CNTNAP2: variants seen among roughly 807,000 people sequenced by gnomAD.
CNTNAP2 encodes the protein contactin-associated protein-like 2.
CNTNAP2 carries 98 observed loss-of-function variants against 155.2 expected under a neutral mutation model. The observed-to-expected ratio is 0.63, with a 90% CI of 0.54 to 0.75. The LOEUF is 0.75. Among genes scored for constraint, CNTNAP2 ranks in the 30% least tolerant of loss-of-function variants. The probability of loss-of-function intolerance (pLI) is 0.00; values close to 1 mark genes in which losing one functional copy is unlikely to be tolerated. For synonymous variants in CNTNAP2, 651 were observed against 631.2 expected, an observed-to-expected ratio of 1.03 and a Z score of -0.47; for missense variants, 1,727 against 1,688.1, an observed-to-expected ratio of 1.02 and a Z score of -0.40.
In CNTNAP2 at chr7:147,738,292, G is replaced by A. The variant is rs965006524; in HGVS notation, c.2098+98986G>A. Among the ~76,000 whole-genome samples the A allele has an allele frequency of 2.0e-5, 3 of 152,182 alleles. 1 individual carries two copies. Among genetic ancestry groups the A allele is most frequent in the Admixed American group, 2.0e-4 (3 of 15,278 alleles). On this transcript the variant is annotated intron_variant, in intron 13 of 23. Transcript: ENST00000361727. ...ATAAAGCAACAACGGGATTTGAGAG[G>A]ACTGACTCCAATTTTGAAAGAAGTT...
chr7:148,086,040 ATGTCTTATTTTC>A (rs1803722085), intron 15 of CNTNAP2, among the ~76,000 whole-genome samples: 1 of 152,302 alleles, frequency 6.6e-6, no homozygotes, highest in Admixed American at 6.5e-5. Context: ...AAATTATTAA[ATGTCTTATTTTC>A]TTATGAAACA....
At chr7:146,918,889 T>G (rs1027133651) in intron 3 of CNTNAP2, among the ~76,000 whole-genome samples, 3 of 152,228 alleles carry the variant, frequency 2.0e-5, no homozygotes, top group Non-Finnish European at 4.4e-5. Context: ...AAATTCATTT[T>G]TCTATTTCTT....
At chr7:146,547,426 A>G (rs970916816) in intron 1 of CNTNAP2, among the ~76,000 whole-genome samples, 7 of 151,956 alleles carry the variant, frequency 4.6e-5, no homozygotes, top group South Asian at 2.1e-4. Flanking sequence ...TACAGGCACA[A>G]TGTTACTCCA....
intron 12 of CNTNAP2, among the ~76,000 whole-genome samples, chr7:147,579,071 A>G (rs189914742): frequency 6.6e-6 from 1 of 152,176 alleles, no homozygotes; most frequent in African/African-American, 2.4e-5. Context: ...TAAATTCTTA[A>G]TTGACGTGGT....
At chr7:147,055,487 C>T (rs1799544088) in intron 4 of CNTNAP2, among the ~76,000 whole-genome samples, 1 of 152,180 alleles carries the variant, frequency 6.6e-6, no homozygotes, top group African/African-American at 2.4e-5. Context: ...CTCTTTATCC[C>T]ATGGGTAAGG....
At chr7:147,414,857 C>T (rs1048325564) in intron 10 of CNTNAP2, among the ~76,000 whole-genome samples, 7 of 134,676 alleles carry the variant, frequency 5.2e-5, no homozygotes, top group African/African-American at 1.4e-4. Flanking sequence ...AGGAGAATGG[C>T]GTGAACCTTG....
chr7:146,831,334 T>C (rs949241702), intron 2 of CNTNAP2, among the ~76,000 whole-genome samples: 11 of 152,144 alleles, frequency 7.2e-5, no homozygotes, highest in African/African-American at 2.7e-4. Flanking sequence ...ATTACATTTA[T>C]GGATAATGCC....
chr7:146,524,318 G>A (rs879606839), intron 1 of CNTNAP2, among the ~76,000 whole-genome samples: 6 of 152,034 alleles, frequency 3.9e-5, no homozygotes, highest in African/African-American at 1.2e-4. Flanking sequence ...GAGAGACATC[G>A]GGGATCATCA....
intron 1 of CNTNAP2, among the ~76,000 whole-genome samples, chr7:146,585,952 C>T (rs1488038198): frequency 6.6e-6 from 1 of 151,900 alleles, no homozygotes; most frequent in Non-Finnish European, 1.5e-5. Context: ...TTGCAGTGAA[C>T]CATGATGATG....
intron 11 of CNTNAP2, among the ~76,000 whole-genome samples, chr7:147,549,002 C>G (rs1799797140): frequency 6.6e-6 from 1 of 152,182 alleles, no homozygotes; most frequent in Non-Finnish European, 1.5e-5. Context: ...CTTTTGGTTA[C>G]TGTAGCCTTG....
intron 10 of CNTNAP2, among the ~76,000 whole-genome samples, chr7:147,403,115 G>T (rs6957168): frequency 0.014 from 2,154 of 152,230 alleles, 52 homozygotes; most frequent in African/African-American, 0.049. Flanking sequence ...GATGATCAAA[G>T]TTGGGTCCCC....
intron 1 of CNTNAP2, among the ~76,000 whole-genome samples, chr7:146,737,560 G>T (rs72503067): frequency 0.16 from 24,053 of 151,992 alleles, 2,469 homozygotes; most frequent in East Asian, 0.36. Context: ...TTATGTACAG[G>T]TTATACATAA....
At chr7:147,237,047 CTCTTTTTTTTTTTTTTTT>C (rs1803822249) in intron 8 of CNTNAP2, among the ~76,000 whole-genome samples, 1 of 97,910 alleles carries the variant, frequency 1.0e-5, no homozygotes, top group Non-Finnish European at 2.2e-5. Context: ...CCTTCACCTC[CTCTTTTTTTTTTTTTTTT>C]TTTTTTTTTT....
chr7:146,722,857 A>C (rs550247139), intron 1 of CNTNAP2, among the ~76,000 whole-genome samples: 1 of 152,194 alleles, frequency 6.6e-6, no homozygotes, highest in South Asian at 2.1e-4. Flanking sequence ...TCTACTAAAA[A>C]TACAAAAATT....
At chr7:146,360,455 A>C (rs1331276943) in intron 1 of CNTNAP2, among the ~76,000 whole-genome samples, 1 of 152,246 alleles carries the variant, frequency 6.6e-6, no homozygotes, top group Non-Finnish European at 1.5e-5. Context: ...AGAAATGTGG[A>C]AAACACAGAC....
At chr7:147,286,111 A>G (rs1019541640) in intron 8 of CNTNAP2, among the ~76,000 whole-genome samples, 1 of 152,112 alleles carries the variant, frequency 6.6e-6, no homozygotes, top group Non-Finnish European at 1.5e-5. Context: ...TGTGTCAAAT[A>G]GATATATCCT....
chr7:146,426,185 C>CAAAAAAAAAAAAAAAAAAAAAAAAAA (rs57484419), intron 1 of CNTNAP2, among the ~76,000 whole-genome samples: 1 of 54,634 alleles, frequency 1.8e-5, no homozygotes, highest in African/African-American at 7.4e-5. Flanking sequence ...GACTTCGCCT[C>CAAAAAAAAAAAAAAAAAAAAAAAAAA]AAAAAAAAAA....
chr7:147,807,661 A>T (rs1798112541), intron 13 of CNTNAP2, among the ~76,000 whole-genome samples: 1 of 152,192 alleles, frequency 6.6e-6, no homozygotes, highest in African/African-American at 2.4e-5. Context: ...TAAAGGTAAA[A>T]GTTATTGGTC....
intron 13 of CNTNAP2, among the ~76,000 whole-genome samples, chr7:147,764,012 T>C (rs766850148): frequency 1.3e-5 from 2 of 151,996 alleles, no homozygotes; most frequent in Non-Finnish European, 2.9e-5. Flanking sequence ...ACCCTGACAC[T>C]GTGATTTCTG....
Sources: gnomAD v4.1 joint callset for allele counts (sites outside exome capture counted in the v4.1 genomes callset) on GRCh38, gnomAD v4.1.1 for gene constraint, MANE v1.5 for transcripts, NCBI Gene and HGNC (gene_info 2026-07-23, HGNC 2026-07-21) for gene names.